Variants in RIC8B observed in about 807,000 individuals in gnomAD.
RIC8B encodes chaperone Ric-8B.
In RIC8B, 16 loss-of-function variants were observed where a neutral mutation model predicts 57.5. The ratio of observed to expected loss-of-function variants is 0.28; its 90% CI spans 0.19 to 0.42. The LOEUF is 0.42. Ranked by LOEUF, RIC8B falls within the 10% of genes least tolerant of loss-of-function variation. RIC8B has a pLI of 1.00. For missense variants in RIC8B, 481 were observed against 677.0 expected, an observed-to-expected ratio of 0.71 and a Z score of 3.21; for synonymous variants, 216 against 250.8, an observed-to-expected ratio of 0.86 and a Z score of 1.31.
At chr12:106,821,488 G>T (rs1272494501) in intron 3 of RIC8B, among the ~76,000 whole-genome samples, 1 of 152,156 alleles carries the variant, frequency 6.6e-6, no homozygotes, top group Admixed American at 6.6e-5. Context: ...ATTTGAGATG[G>T]ATAAGAGACC....
chr12:106,830,030 C>T (rs147609629), intron 4 of RIC8B, among the ~76,000 whole-genome samples: 2 of 152,144 alleles, frequency 1.3e-5, no homozygotes, highest in African/African-American at 4.8e-5. Context: ...TATTCTATTT[C>T]ATTTGTCTGT....
At chr12:106,795,370 C>T (rs1312952800) in intron 2 of RIC8B, among the ~76,000 whole-genome samples, 1 of 151,770 alleles carries the variant, frequency 6.6e-6, no homozygotes, top group Non-Finnish European at 1.5e-5. Flanking sequence ...GTCTAATAGG[C>T]AAAAGAAAGA....
At chr12:106,829,275 T>C (rs1281751332) in intron 4 of RIC8B, among the ~76,000 whole-genome samples, 2 of 152,210 alleles carry the variant, frequency 1.3e-5, no homozygotes, top group African/African-American at 4.8e-5. Context: ...CTCCAGTCCA[T>C]AATCAACAAG....
At chr12:106,787,178 G>A (rs967977888) in intron 2 of RIC8B, among the ~76,000 whole-genome samples, 5 of 152,228 alleles carry the variant, frequency 3.3e-5, no homozygotes, top group African/African-American at 1.2e-4. Context: ...GTTACAGTGT[G>A]TAGGTTTCTG....
intron 4 of RIC8B, among the ~76,000 whole-genome samples, chr12:106,842,293 A>G (rs1948984885): frequency 6.6e-6 from 1 of 152,232 alleles, no homozygotes; most frequent in Non-Finnish European, 1.5e-5. Context: ...AAAATTAAGG[A>G]GCTGGCATTA....
At chr12:106,870,065 A>T (rs1950333088) in intron 8 of RIC8B, among the ~76,000 whole-genome samples, 1 of 149,164 alleles carries the variant, frequency 6.7e-6, no homozygotes. Context: ...GTTATCTTTT[A>T]TTTCCTGTCC....
intron 2 of RIC8B, among the ~76,000 whole-genome samples, chr12:106,802,225 A>C (rs1276286242): frequency 6.6e-6 from 1 of 152,174 alleles, no homozygotes; most frequent in East Asian, 1.9e-4. Flanking sequence ...ACCCCAAATA[A>C]ATCTTTTAGT....
Position 106,813,212 on chromosome 12 carries a change from G to A in RIC8B, c.133-1484G>A, listed in dbSNP as rs550760459. Among the ~76,000 whole-genome samples the A allele has an allele frequency of 2.8e-3, 274 of 97,538 alleles. 1 individual carries two copies. The highest frequency in any genetic ancestry group is 3.9e-3 in the Non-Finnish European group (200 of 50,896). 64.0% of individuals were successfully genotyped at this position (97,538 alleles called of 152,430 possible). A position where few individuals can be genotyped will look rare whatever the true frequency, so the allele number is the denominator to read the frequency against. ...CTTTTTTTTTTTTTTTTTTTTTTGA[G>A]ACAGAGTCTCGCTCTGTTGCCAGCC... On this transcript the variant is annotated intron_variant, in intron 2 of 9. Coordinates refer to ENST00000392837, the MANE Select transcript of RIC8B (RefSeq NM_001330145.2).
intron 4 of RIC8B, among the ~76,000 whole-genome samples, chr12:106,839,426 G>C (rs1168026271): frequency 3.9e-5 from 6 of 152,200 alleles, no homozygotes; most frequent in African/African-American, 1.4e-4. Flanking sequence ...TATGATAAGT[G>C]AAATAAACCA....
rs1593061024 is a variant in RIC8B, at chr12:106,779,838, C to G, written c.85-4159C>G. On this transcript the variant is annotated intron_variant, in intron 1 of 9. Transcript: ENST00000392837. ...ATGTATCATTCCAGTCTAGACTGTT[C>G]AAGCTCTTGCTCCCCCACGGGGGCC... Among the ~76,000 whole-genome samples the G allele has an allele frequency of 4.0e-5, 6 of 148,292 alleles. No individual in the cohort carries two copies. In the South Asian group the frequency reaches 1.3e-3, roughly 32 times the overall value.
chr12:106,832,609 G>A (rs2046404620), intron 4 of RIC8B, among the ~76,000 whole-genome samples: 1 of 151,946 alleles, frequency 6.6e-6, no homozygotes, highest in African/African-American at 2.4e-5. Flanking sequence ...TGAAGATTGT[G>A]TCTGTCTTCT....
At chr12:106,841,352 G>C (rs1169178693) in intron 4 of RIC8B, among the ~76,000 whole-genome samples, 1 of 151,876 alleles carries the variant, frequency 6.6e-6, no homozygotes, top group Non-Finnish European at 1.5e-5. Flanking sequence ...ACTTGTTACT[G>C]GTTTTTATTT....
chr12:106,866,396 A>G (rs576139900), intron 8 of RIC8B, among the ~76,000 whole-genome samples: 5 of 152,328 alleles, frequency 3.3e-5, no homozygotes, highest in African/African-American at 9.6e-5. Context: ...AAGAAAATTC[A>G]GATATGGTAA....
chr12:106,861,159 G>GT (rs544281439), intron 8 of RIC8B, among the ~76,000 whole-genome samples: 42 of 152,158 alleles, frequency 2.8e-4, no homozygotes, highest in African/African-American at 9.6e-4. Context: ...TTTGAGCTAT[G>GT]TTTTTTCTGG....
intron 2 of RIC8B, among the ~76,000 whole-genome samples, chr12:106,805,888 T>C (rs2044990916): frequency 6.6e-6 from 1 of 152,196 alleles, no homozygotes; most frequent in South Asian, 2.1e-4. Context: ...GAAAGGTATC[T>C]ACTTCTCTCT....
chr12:106,857,986 T>G (rs189401008), intron 7 of RIC8B, among the ~76,000 whole-genome samples: 389 of 152,280 alleles, frequency 2.6e-3, no homozygotes, highest in Non-Finnish European at 4.1e-3. Context: ...TGTCATAGAG[T>G]TAGCACATAA....
chr12:106,810,290 T>TAA (rs60993772), intron 2 of RIC8B, among the ~76,000 whole-genome samples: 159 of 122,656 alleles, frequency 1.3e-3, no homozygotes, highest in East Asian at 6.1e-3. Context: ...ATACAGCTGG[T>TAA]AAAAAAAAAA....
At chr12:106,884,847 A>G (rs1221172159) in intron 9 of RIC8B, among the ~76,000 whole-genome samples, 1 of 152,154 alleles carries the variant, frequency 6.6e-6, no homozygotes, top group Non-Finnish European at 1.5e-5. Flanking sequence ...CTGTTGGCCT[A>G]AGGGACAACT....
intron 2 of RIC8B, among the ~76,000 whole-genome samples, chr12:106,785,813 CTGTGTGTGTGTG>C (rs61337359): frequency 0.035 from 4,356 of 123,912 alleles, 143 homozygotes; most frequent in Non-Finnish European, 0.05. Flanking sequence ...CTCTCTCTCT[CTGTGTGTGTGTG>C]TGTGTGTGTG....
Sources: allele counts gnomAD v4.1 joint callset (sites outside exome capture counted in the v4.1 genomes callset), GRCh38; gene constraint gnomAD v4.1.1; transcripts MANE v1.5; gene names NCBI Gene and HGNC (gene_info 2026-07-23, HGNC 2026-07-21).